Variants in RSF1 observed in about 807,000 individuals in gnomAD.
RSF1 encodes the protein remodeling and spacing factor 1.
RSF1 carries 13 observed loss-of-function variants against 145.2 expected under a neutral mutation model. The ratio of observed to expected loss-of-function variants is 0.09; its 90% CI spans 0.06 to 0.14. RSF1 has a LOEUF of 0.14. Ranked by LOEUF, RSF1 falls within the 10% of genes least tolerant of loss-of-function variation. RSF1 has a pLI of 1.00. For synonymous variants in RSF1, 577 were observed against 592.6 expected (o/e 0.97, Z 0.38); for missense variants, 1,517 against 1,718.2 (o/e 0.88, Z 2.07).
At chr11:77,723,385 C>A (rs758987093) in intron 5 of RSF1, among the ~76,000 whole-genome samples, 2 of 151,544 alleles carry the variant, frequency 1.3e-5, no homozygotes, top group Non-Finnish European at 3.0e-5. Context: ...ATCACTTGAG[C>A]CCAAGAGTTC....
intron 7 of RSF1, among the ~76,000 whole-genome samples, chr11:77,697,250 A>C (rs1041031171): frequency 1.3e-5 from 2 of 152,004 alleles, no homozygotes; most frequent in African/African-American, 4.8e-5. Flanking sequence ...TCCAAACTTT[A>C]GAGGATCTCA....
At chr11:77,813,756 C>A in intron 1 of RSF1, 1 of 299,742 alleles carries the variant, frequency 3.3e-6, no homozygotes, top group South Asian at 3.5e-5. Flanking sequence ...GCCTGCGGAT[C>A]ACAGAGCCGC....
intron 1 of RSF1, among the ~76,000 whole-genome samples, chr11:77,798,581 TAAAAAAAAAAAAAA>T (rs543236647): frequency 0.036 from 875 of 24,444 alleles, 34 homozygotes; most frequent in African/African-American, 0.11. Context: ...GACTCCATCT[TAAAAAAAAAAAAAA>T]AAAAAAAAAA....
rs1959307059 is a variant in RSF1, at chr11:77,664,240, T to C, written c.*2677A>G. On this transcript the variant is annotated 3_prime_UTR_variant, in exon 16 of 16. Coordinates refer to ENST00000308488, the MANE Select transcript of RSF1 (RefSeq NM_016578.4). ...AATAATCAATAATCTATCTGCCTAA[T>C]AATGTTTTATCAACCGCTTGGATTA... The C allele has an allele frequency of 6.6e-6, 1 of 152,220 alleles. No homozygotes were observed. 9.4% of individuals were successfully genotyped at this position (152,220 alleles called of 1,614,324 possible). A position where few individuals can be genotyped will look rare whatever the true frequency, so the allele number is the denominator to read the frequency against.
intron 2 of RSF1, among the ~76,000 whole-genome samples, chr11:77,750,761 T>C (rs1437726578): frequency 4.6e-5 from 7 of 152,250 alleles, no homozygotes; most frequent in African/African-American, 1.4e-4. Flanking sequence ...AGGGAGAGAA[T>C]GTTCTAATAT....
At chr11:77,869,575 C>A in the RSF1 span, 1 of 704,372 alleles carries the variant, frequency 1.4e-6, no homozygotes, top group Non-Finnish European at 2.4e-6. Flanking sequence ...CGTCAGCCTT[C>A]CTAAGTGCCT....
At chr11:77,704,450 T>C (rs927001883) in intron 5 of RSF1, among the ~76,000 whole-genome samples, 1 of 152,232 alleles carries the variant, frequency 6.6e-6, no homozygotes. Flanking sequence ...TGATCCAACG[T>C]AAAATTAAGT....
At chr11:77,753,092 C>G (rs1210198663) in intron 2 of RSF1, among the ~76,000 whole-genome samples, 1 of 152,234 alleles carries the variant, frequency 6.6e-6, no homozygotes, top group African/African-American at 2.4e-5. Flanking sequence ...GGGCAAGCAG[C>G]AGCCCTCAAG....
At chr11:77,818,550 G>A (rs1158680198) in intron 1 of RSF1, among the ~76,000 whole-genome samples, 1 of 152,178 alleles carries the variant, frequency 6.6e-6, no homozygotes, top group African/African-American at 2.4e-5. Flanking sequence ...GGAGGCCAAG[G>A]TGTGTGGATC....
At chr11:77,795,500 C>A (rs1222462598) in intron 1 of RSF1, among the ~76,000 whole-genome samples, 1 of 152,110 alleles carries the variant, frequency 6.6e-6, no homozygotes, top group African/African-American at 2.4e-5. Flanking sequence ...CAAAACATTT[C>A]AGTATTGGTA....
chr11:77,675,376 G>A (rs751605144), intron 13 of RSF1, 120 bp from the exon 14 acceptor site: 12 of 696,314 alleles, frequency 1.7e-5, no homozygotes, highest in Non-Finnish European at 2.5e-5. Flanking sequence ...CAACATATCT[G>A]GATAATTGTA....
At chr11:77,797,026 A>G (rs1948579068) in intron 1 of RSF1, among the ~76,000 whole-genome samples, 1 of 152,266 alleles carries the variant, frequency 6.6e-6, no homozygotes, top group Non-Finnish European at 1.5e-5. Context: ...AAACAAATGG[A>G]AAAACATTCT....
At chr11:77,757,610 G>A (rs770571010) in intron 2 of RSF1, among the ~76,000 whole-genome samples, 13 of 152,150 alleles carry the variant, frequency 8.5e-5, no homozygotes, top group Admixed American at 3.9e-4. Flanking sequence ...CCCGGGAAGC[G>A]GAGGTTGCAG....
the RSF1 span, among the ~76,000 whole-genome samples, chr11:77,855,067 C>G: frequency 6.6e-6 from 1 of 152,274 alleles, no homozygotes; most frequent in Middle Eastern, 3.4e-3. Context: ...TTAACCATAG[C>G]TAGAGCTGGA....
Position 77,701,522 on chromosome 11 carries a change from C to A in RSF1, c.1707G>T (p.Lys569Asn). 6.2e-7 allele frequency: 1 copy of A among 1,613,922 alleles called. No individual in the cohort carries two copies. Among genetic ancestry groups the A allele is most frequent in the South Asian group, 1.1e-5 (1 of 91,046 alleles). ...GCTTATCCTTCTTAGTTTTGGGAGA[C>A]TTCTCTTCACCTTTCATGGTACACG... ...TESCTMKGEE[K>N]SPKTKKDKRP... Residue 569 changes from lysine to asparagine, a missense_variant, in exon 6 of 16, where the codon AAG (lysine) becomes AAT (asparagine). By Grantham distance (94) the Lys-to-Asn change is moderately conservative (BLOSUM62 0). Around this residue, in one of 12 missense-constraint regions of RSF1, gnomAD observed 579 missense variants for 553.5 expected, o/e 1.05. Transcript: ENST00000308488.
At chr11:77,834,316 C>G in the RSF1 span, among the ~76,000 whole-genome samples, 1 of 151,810 alleles carries the variant, frequency 6.6e-6, no homozygotes, top group South Asian at 2.1e-4. Context: ...TGCAAAGTTT[C>G]TACAGAAGTA....
chr11:77,748,085 T>G (rs1383262712), intron 2 of RSF1, among the ~76,000 whole-genome samples: 2 of 152,114 alleles, frequency 1.3e-5, no homozygotes, highest in Non-Finnish European at 2.9e-5. Flanking sequence ...GGGTTACCCT[T>G]TTCCTAGCCT....
intron 5 of RSF1, among the ~76,000 whole-genome samples, chr11:77,710,518 A>G (rs1960653962): frequency 6.6e-6 from 1 of 152,156 alleles, no homozygotes; most frequent in Admixed American, 6.5e-5. Context: ...CAGTTTCCAG[A>G]TACTGTAGAC....
chr11:77,819,892 G>A (rs546207525), intron 1 of RSF1, among the ~76,000 whole-genome samples: 1 of 152,018 alleles, frequency 6.6e-6, no homozygotes, highest in South Asian at 2.1e-4. Context: ...TGGGGGAGGA[G>A]CAGACCTCCC....
Sources: allele counts gnomAD v4.1 joint callset (sites outside exome capture counted in the v4.1 genomes callset), GRCh38; gene constraint gnomAD v4.1.1; regional missense constraint gnomAD v4.1.1; transcripts MANE v1.5; gene names NCBI Gene and HGNC (gene_info 2026-07-23, HGNC 2026-07-21).